LINGO2: variants seen among roughly 807,000 people sequenced by gnomAD.
The protein encoded by LINGO2 is leucine rich repeat and Ig domain containing 2.
In LINGO2, 14 loss-of-function variants were observed where a neutral mutation model predicts 30.6. The observed-to-expected ratio is 0.46, with a 90% CI of 0.30 to 0.72. The LOEUF is 0.72. Ranked by LOEUF, LINGO2 falls within the 30% of genes least tolerant of loss-of-function variation. The pLI is 0.07. For synonymous variants in LINGO2, 317 were observed against 288.5 expected, an observed-to-expected ratio of 1.10 and a Z score of -1.00; for missense variants, 729 against 751.7, an observed-to-expected ratio of 0.97 and a Z score of 0.35.
the LINGO2 span, among the ~76,000 whole-genome samples, chr9:28,813,368 A>C: frequency 6.6e-6 from 1 of 152,156 alleles, no homozygotes; most frequent in Non-Finnish European, 1.5e-5. Flanking sequence ...AAATAGAAAA[A>C]TTATAACAAT....
chr9:27,986,761 A>G (rs904369709), intron 5 of LINGO2, among the ~76,000 whole-genome samples: 1 of 151,844 alleles, frequency 6.6e-6, no homozygotes, highest in African/African-American at 2.4e-5. Flanking sequence ...ATACATTCCA[A>G]AATCAACATG....
chr9:28,759,920 T>C, the LINGO2 span, among the ~76,000 whole-genome samples: 2 of 151,990 alleles, frequency 1.3e-5, no homozygotes, highest in African/African-American at 4.8e-5. Context: ...GGCTATTCAG[T>C]CCAATAAACA....
chr9:28,766,109 T>G, the LINGO2 span, among the ~76,000 whole-genome samples: 1 of 151,878 alleles, frequency 6.6e-6, no homozygotes, highest in Non-Finnish European at 1.5e-5. Flanking sequence ...GGCATCAAAC[T>G]AAAAAGCTTT....
At chr9:28,980,888 T>G in the LINGO2 span, among the ~76,000 whole-genome samples, 3 of 152,276 alleles carry the variant, frequency 2.0e-5, no homozygotes, top group South Asian at 6.2e-4. Flanking sequence ...AATTTTTGAC[T>G]GTTCTGATAA....
the LINGO2 span, among the ~76,000 whole-genome samples, chr9:28,995,126 A>G: frequency 6.6e-6 from 1 of 152,178 alleles, no homozygotes; most frequent in Non-Finnish European, 1.5e-5. Flanking sequence ...CTCATCTGAC[A>G]AAAGGCTAAT....
At chr9:28,397,173 T>C (rs1352651999) in intron 2 of LINGO2, among the ~76,000 whole-genome samples, 1 of 152,014 alleles carries the variant, frequency 6.6e-6, no homozygotes, top group Non-Finnish European at 1.5e-5. Flanking sequence ...TAATGAGTCT[T>C]GATAATATGT....
At chr9:28,077,108 C>A (rs1027320400) in intron 4 of LINGO2, among the ~76,000 whole-genome samples, 1 of 152,096 alleles carries the variant, frequency 6.6e-6, no homozygotes, top group African/African-American at 2.4e-5. Flanking sequence ...GTAAGTGACT[C>A]TAAAACAAAA....
intron 1 of LINGO2, among the ~76,000 whole-genome samples, chr9:28,536,765 A>G (rs1385514962): frequency 2.6e-5 from 4 of 152,120 alleles, no homozygotes; most frequent in African/African-American, 4.8e-5. Flanking sequence ...TTATAAGACA[A>G]GACATTTGAT....
the LINGO2 span, among the ~76,000 whole-genome samples, chr9:28,783,167 T>C: frequency 6.6e-6 from 1 of 152,186 alleles, no homozygotes. Flanking sequence ...CTAAGATGTG[T>C]TGAAGGACAC....
chr9:28,773,329 C>T, the LINGO2 span, among the ~76,000 whole-genome samples: 7 of 149,474 alleles, frequency 4.7e-5, no homozygotes, highest in South Asian at 1.3e-3. Flanking sequence ...CGTGCCACTG[C>T]ACTCCAGCCT....
intron 2 of LINGO2, among the ~76,000 whole-genome samples, chr9:28,383,727 T>C (rs1046519861): frequency 2.0e-5 from 3 of 152,156 alleles, no homozygotes; most frequent in African/African-American, 7.2e-5. Flanking sequence ...CTGTATAATA[T>C]TTCAGATATT....
At chr9:28,600,944 A>G (rs1825437783) in intron 1 of LINGO2, among the ~76,000 whole-genome samples, 1 of 152,190 alleles carries the variant, frequency 6.6e-6, no homozygotes, top group African/African-American at 2.4e-5. Context: ...CAAAATGGAA[A>G]TAAGAGAAAA....
chr9:29,202,497 G>A, the LINGO2 span, among the ~76,000 whole-genome samples: 2 of 151,910 alleles, frequency 1.3e-5, no homozygotes. Flanking sequence ...TTCTTATAAA[G>A]TGATCTTATA....
chr9:28,149,959 G>A (rs554519094), intron 4 of LINGO2, among the ~76,000 whole-genome samples: 147 of 147,268 alleles, frequency 1.0e-3, no homozygotes, highest in African/African-American at 3.4e-3. Context: ...CCTCCTCACC[G>A]TCTGGGAAAT....
At chr9:28,545,291 C>A (rs1489767389) in intron 1 of LINGO2, among the ~76,000 whole-genome samples, 2 of 151,948 alleles carry the variant, frequency 1.3e-5, no homozygotes, top group African/African-American at 4.8e-5. Context: ...CTTTAGAGGC[C>A]AGTCAGGAGA....
chr9:27,962,544 T>TC (rs1418873562), intron 5 of LINGO2, among the ~76,000 whole-genome samples: 2 of 151,944 alleles, frequency 1.3e-5, no homozygotes, highest in East Asian at 1.9e-4. Flanking sequence ...CTGGAACTGC[T>TC]CCCCCCCTTC....
intron 1 of LINGO2, among the ~76,000 whole-genome samples, chr9:28,604,957 A>C (rs1311729118): frequency 6.6e-6 from 1 of 151,992 alleles, no homozygotes; most frequent in African/African-American, 2.4e-5. Context: ...CATTTTATAT[A>C]CCAGAGAATT....
In LINGO2 at chr9:28,618,859, G is replaced by A. The variant is rs573162028; in HGVS notation, c.-365+51341C>T. Among the ~76,000 whole-genome samples the A allele has an allele frequency of 2.8e-5, 4 of 143,752 alleles. No individual in the cohort carries two copies. In the South Asian group the frequency reaches 8.8e-4, roughly 32 times the overall value. 94.3% of individuals were successfully genotyped at this position (143,752 alleles called of 152,430 possible). Reference sequence around the variant, plus strand: ...AAAATGTGTTCCTTAAATATTTGCTGAATGAATGAATGAACTTAAAGGAAA... The same window carrying A: ...AAAATGTGTTCCTTAAATATTTGCTAAATGAATGAATGAACTTAAAGGAAA... On this transcript the variant is annotated intron_variant, in intron 1 of 5. Coordinates refer to ENST00000379992, the Ensembl canonical transcript of LINGO2.
At chr9:28,037,382 A>T (rs910648959) in intron 4 of LINGO2, among the ~76,000 whole-genome samples, 1 of 152,052 alleles carries the variant, frequency 6.6e-6, no homozygotes, top group South Asian at 2.1e-4. Context: ...AACTTTTCAC[A>T]CTATTTACCT....
Sources: allele counts gnomAD v4.1 joint callset (sites outside exome capture counted in the v4.1 genomes callset), GRCh38; gene constraint gnomAD v4.1.1; transcripts MANE v1.5; gene names NCBI Gene and HGNC (gene_info 2026-07-23, HGNC 2026-07-21).